SLC4A4: variants seen among roughly 807,000 people sequenced by gnomAD.
SLC4A4 encodes electrogenic sodium bicarbonate cotransporter 1.
SLC4A4 carries 27 observed loss-of-function variants against 111.5 expected under a neutral mutation model. That is an observed-to-expected ratio of 0.24 (90% CI 0.18 to 0.33). The LOEUF is 0.33. SLC4A4 is among the 10% of genes least tolerant of loss of function. The probability of loss-of-function intolerance (pLI) is 1.00; values close to 1 mark genes in which losing one functional copy is unlikely to be tolerated. For missense variants in SLC4A4, 909 were observed against 1,315.5 expected, an observed-to-expected ratio of 0.69 and a Z score of 4.78; for synonymous variants, 443 against 463.4, an observed-to-expected ratio of 0.96 and a Z score of 0.57.
Position 71,339,404 on chromosome 4 carries a change from G to A in SLC4A4, c.288G>A (p.Leu96=). The A allele has an allele frequency of 6.2e-7, 1 of 1,614,142 alleles. No homozygotes were observed. The highest frequency in any genetic ancestry group is 8.5e-7 in the Non-Finnish European group (1 of 1,180,034). Residue 96 remains leucine (L), a synonymous_variant, in exon 4 of 26, where the codon TTG becomes TTA. Coordinates refer to ENST00000264485, the MANE Select transcript of SLC4A4 (RefSeq NM_001098484.3). ...SPAAERIRFI[L]GEEDDSPAPP... is the part of the protein sequence containing the mutation. ...CTGCAGAACGCATCCGATTCATCTT[G>A]GGAGAGGAGGATGACAGCCCAGCTC...
chr4:71,488,718 G>A (rs866434246), intron 15 of SLC4A4, among the ~76,000 whole-genome samples: 16 of 151,554 alleles, frequency 1.1e-4, no homozygotes, highest in East Asian at 1.9e-4. Flanking sequence ...GCCATTCCTC[G>A]TATACCATGA....
intron 2 of SLC4A4, among the ~76,000 whole-genome samples, chr4:71,144,168 T>C (rs1374191555): frequency 6.6e-6 from 1 of 152,202 alleles, no homozygotes; most frequent in African/African-American, 2.4e-5. Flanking sequence ...TACATATGGT[T>C]AGCCAGTTTT....
chr4:71,153,054 A>ATATATATATATAT (rs528058780), intron 2 of SLC4A4, among the ~76,000 whole-genome samples: 314 of 140,858 alleles, frequency 2.2e-3, no homozygotes, highest in South Asian at 3.6e-3. Flanking sequence ...TATATATATA[A>ATATATATATATAT]AAATAAAAGG....
At chr4:71,282,666 T>C (rs916363362) in intron 3 of SLC4A4, among the ~76,000 whole-genome samples, 4 of 151,752 alleles carry the variant, frequency 2.6e-5, no homozygotes, top group African/African-American at 7.3e-5. Context: ...CACTGTAGCT[T>C]CAACCTCCTG....
chr4:71,262,718 T>C (rs1351301366), intron 3 of SLC4A4, among the ~76,000 whole-genome samples: 1 of 152,170 alleles, frequency 6.6e-6, no homozygotes, highest in Non-Finnish European at 1.5e-5. Flanking sequence ...AAAATATTAG[T>C]TCTATAGTCT....
intron 8 of SLC4A4, among the ~76,000 whole-genome samples, chr4:71,444,745 G>A (rs138297701): frequency 2.7e-4 from 41 of 152,292 alleles, no homozygotes; most frequent in African/African-American, 9.6e-4. Context: ...TTGTTGGATT[G>A]TTTTGTGTTC....
At chr4:71,377,167 A>T (rs1732485761) in intron 6 of SLC4A4, among the ~76,000 whole-genome samples, 1 of 152,224 alleles carries the variant, frequency 6.6e-6, no homozygotes, top group East Asian at 1.9e-4. Flanking sequence ...AGACCCTCTT[A>T]ATATTTAATT....
intron 6 of SLC4A4, among the ~76,000 whole-genome samples, chr4:71,391,272 G>C (rs1365640380): frequency 6.6e-6 from 1 of 151,982 alleles, no homozygotes; most frequent in African/African-American, 2.4e-5. Flanking sequence ...AATAAAAAAA[G>C]ATTCAATTTA....
chr4:71,364,362 G>A (rs186551652), intron 6 of SLC4A4, among the ~76,000 whole-genome samples: 3 of 152,302 alleles, frequency 2.0e-5, no homozygotes, highest in African/African-American at 7.2e-5. Context: ...AGATACCTTT[G>A]TGAAAATTAT....
intron 7 of SLC4A4, among the ~76,000 whole-genome samples, chr4:71,430,470 C>T (rs1212019114): frequency 6.6e-6 from 1 of 152,134 alleles, no homozygotes; most frequent in African/African-American, 2.4e-5. Flanking sequence ...GTAGTACAGA[C>T]AGTTGTTTAA....
intron 5 of SLC4A4, among the ~76,000 whole-genome samples, chr4:71,351,986 A>T (rs759268024): frequency 7.2e-5 from 11 of 152,146 alleles, no homozygotes; most frequent in Non-Finnish European, 1.2e-4. Flanking sequence ...TGGAAATCTG[A>T]TATATGAGAA....
chr4:71,247,905 G>A (rs962804861), intron 2 of SLC4A4, among the ~76,000 whole-genome samples: 4 of 152,182 alleles, frequency 2.6e-5, no homozygotes, highest in South Asian at 2.1e-4. Flanking sequence ...ATTCTGTCTC[G>A]TTGGAGCAAG....
intron 1 of SLC4A4, among the ~76,000 whole-genome samples, chr4:71,187,751 C>T (rs1330395435): frequency 6.6e-6 from 1 of 152,186 alleles, no homozygotes; most frequent in African/African-American, 2.4e-5. Flanking sequence ...CTCAGTGACA[C>T]GTGTGTTGCT....
chr4:71,393,075 A>G (rs1015043518), intron 6 of SLC4A4, among the ~76,000 whole-genome samples: 1 of 152,140 alleles, frequency 6.6e-6, no homozygotes, highest in Non-Finnish European at 1.5e-5. Context: ...TAACTGGGGA[A>G]AAGTTGGAAG....
intron 1 of SLC4A4, among the ~76,000 whole-genome samples, chr4:71,197,189 T>C (rs2148999756): frequency 6.6e-6 from 1 of 152,282 alleles, no homozygotes; most frequent in Admixed American, 6.5e-5. Context: ...CACTCCAGCC[T>C]GGGCGACAGA....
At chr4:71,207,779 T>A (rs1214905567) in intron 1 of SLC4A4, among the ~76,000 whole-genome samples, 6 of 152,306 alleles carry the variant, frequency 3.9e-5, no homozygotes, top group Non-Finnish European at 8.8e-5. Context: ...TCCTCTTTAT[T>A]TTCATTTGAG....
At chr4:71,482,588 T>C (rs1728983226) in intron 14 of SLC4A4, among the ~76,000 whole-genome samples, 1 of 151,582 alleles carries the variant, frequency 6.6e-6, no homozygotes, top group Non-Finnish European at 1.5e-5. Context: ...TGCAGAAAAG[T>C]GTGTTGCAAA....
chr4:71,317,578 A>G (rs1393432420), intron 3 of SLC4A4, among the ~76,000 whole-genome samples: 1 of 152,128 alleles, frequency 6.6e-6, no homozygotes, highest in African/African-American at 2.4e-5. Context: ...AAAAACAAGC[A>G]TTGTTATTAT....
At chr4:71,088,327 T>C (rs920597275) in intron 1 of SLC4A4, among the ~76,000 whole-genome samples, 20 of 151,944 alleles carry the variant, frequency 1.3e-4, no homozygotes, top group Non-Finnish European at 5.9e-5. Flanking sequence ...TTCCTGAATA[T>C]AGCACACTGA....
Sources: allele counts gnomAD v4.1 joint callset (sites outside exome capture counted in the v4.1 genomes callset), GRCh38; gene constraint gnomAD v4.1.1; transcripts MANE v1.5; gene names NCBI Gene and HGNC (gene_info 2026-07-23, HGNC 2026-07-21).